PTPRK: variants seen among roughly 807,000 people sequenced by gnomAD.
The protein encoded by PTPRK is protein tyrosine phosphatase receptor type K.
PTPRK carries 75 observed loss-of-function variants against 178.0 expected under a neutral mutation model. That is an observed-to-expected ratio of 0.42 (90% confidence interval 0.35 to 0.51). The LOEUF (loss-of-function observed/expected upper bound fraction) is 0.51, where lower values mean the gene tolerates loss of function less well. PTPRK is among the 20% of genes least tolerant of loss of function. PTPRK has a pLI of 0.02. For missense variants in PTPRK, 1,441 were observed against 1,797.8 expected (o/e 0.80, Z 3.59); for synonymous variants, 637 against 620.6 (o/e 1.03, Z -0.39).
chr6:128,165,383 T>G (rs936651895), intron 7 of PTPRK, among the ~76,000 whole-genome samples: 4 of 151,342 alleles, frequency 2.6e-5, no homozygotes, highest in Non-Finnish European at 5.9e-5. Context: ...TGTCTGAATT[T>G]CACCAAAAGT....
chr6:128,191,607 T>C (rs890977024), intron 6 of PTPRK, among the ~76,000 whole-genome samples: 2 of 152,078 alleles, frequency 1.3e-5, no homozygotes, highest in Admixed American at 1.3e-4. Context: ...AGATGATAAA[T>C]ATATGGTAAT....
At chr6:128,086,110 G>C (rs995410344) in intron 8 of PTPRK, among the ~76,000 whole-genome samples, 22 of 152,256 alleles carry the variant, frequency 1.4e-4, no homozygotes, top group African/African-American at 5.1e-4. Flanking sequence ...AATGGAAACA[G>C]AATGCTGACT....
At chr6:128,517,965 T>C (rs1858339793) in intron 1 of PTPRK, among the ~76,000 whole-genome samples, 1 of 152,216 alleles carries the variant, frequency 6.6e-6, no homozygotes, top group African/African-American at 2.4e-5. Context: ...CTCTAATCTA[T>C]GTCTGCAACA....
intron 1 of PTPRK, among the ~76,000 whole-genome samples, chr6:128,450,958 G>A (rs1847716544): frequency 6.6e-6 from 1 of 152,124 alleles, no homozygotes; most frequent in Non-Finnish European, 1.5e-5. Context: ...TTACTTGACT[G>A]ATTCACTGAA....
chr6:128,494,408 G>A (rs1437591025), intron 1 of PTPRK, among the ~76,000 whole-genome samples: 1 of 152,054 alleles, frequency 6.6e-6, no homozygotes, highest in Admixed American at 6.6e-5. Flanking sequence ...ATATATCCCT[G>A]AAATTAGTAT....
At chr6:128,054,663 T>C (rs1429960413) in intron 13 of PTPRK, among the ~76,000 whole-genome samples, 1 of 152,222 alleles carries the variant, frequency 6.6e-6, no homozygotes, top group African/African-American at 2.4e-5. Context: ...AGCCACTTTG[T>C]CTTTTTTCCT....
At chr6:128,107,027 T>G (rs2114307111) in intron 7 of PTPRK, among the ~76,000 whole-genome samples, 1 of 152,246 alleles carries the variant, frequency 6.6e-6, no homozygotes, top group East Asian at 1.9e-4. Context: ...TGGCTAATTT[T>G]TGGATTGTTC....
At chr6:128,146,343 T>C (rs1562669840) in intron 7 of PTPRK, among the ~76,000 whole-genome samples, 1 of 152,152 alleles carries the variant, frequency 6.6e-6, no homozygotes, top group Non-Finnish European at 1.5e-5. Context: ...AACTCCAATG[T>C]ACTTCTTTAC....
chr6:128,277,728 T>C (rs2128300613), intron 3 of PTPRK, among the ~76,000 whole-genome samples: 1 of 152,264 alleles, frequency 6.6e-6, no homozygotes, highest in Non-Finnish European at 1.5e-5. Flanking sequence ...CCTCAGCAAA[T>C]GGCTTAGGTT....
At chr6:128,403,074 G>A (rs1367217326) in intron 1 of PTPRK, among the ~76,000 whole-genome samples, 4 of 152,164 alleles carry the variant, frequency 2.6e-5, no homozygotes, top group Non-Finnish European at 5.9e-5. Flanking sequence ...TCTTAATGAT[G>A]ACAGAAGAAC....
At chr6:128,476,203 C>T (rs1191569411) in intron 1 of PTPRK, among the ~76,000 whole-genome samples, 1 of 151,978 alleles carries the variant, frequency 6.6e-6, no homozygotes, top group Non-Finnish European at 1.5e-5. Flanking sequence ...CTATGTCCAT[C>T]ATTTTTACTG....
intron 1 of PTPRK, among the ~76,000 whole-genome samples, chr6:128,475,462 C>A (rs996314624): frequency 7.9e-5 from 12 of 152,004 alleles, no homozygotes; most frequent in African/African-American, 2.9e-4. Flanking sequence ...AGACAGGAGA[C>A]TACTGCCACG....
At chr6:128,189,030 T>TG (rs1195882113) in intron 6 of PTPRK, among the ~76,000 whole-genome samples, 1 of 151,942 alleles carries the variant, frequency 6.6e-6, no homozygotes. Context: ...AGAATCTATT[T>TG]GGGGGGCATT....
chr6:128,310,943 C>T (rs915415062), intron 3 of PTPRK, among the ~76,000 whole-genome samples: 2 of 152,116 alleles, frequency 1.3e-5, no homozygotes, highest in African/African-American at 4.8e-5. Flanking sequence ...AAGGACTTAA[C>T]AGGCAGATGG....
At chr6:128,500,016 T>C (rs1286969012) in intron 1 of PTPRK, among the ~76,000 whole-genome samples, 2 of 152,208 alleles carry the variant, frequency 1.3e-5, no homozygotes, top group Admixed American at 6.5e-5. Flanking sequence ...TAAAGTTATG[T>C]CCCTATAGGT....
intron 2 of PTPRK, among the ~76,000 whole-genome samples, chr6:128,356,157 C>T (rs981467712): frequency 2.6e-5 from 4 of 152,102 alleles, no homozygotes; most frequent in Admixed American, 2.0e-4. Flanking sequence ...CAGTCCCTCT[C>T]CCCACATCAA....
chr6:128,055,551 G>T (rs538664721), intron 13 of PTPRK, among the ~76,000 whole-genome samples: 2 of 150,438 alleles, frequency 1.3e-5, no homozygotes, highest in Non-Finnish European at 3.0e-5. Context: ...CTTTGTATTC[G>T]CCATGATTAT....
At chr6:128,328,446 T>A (rs980385428) in intron 2 of PTPRK, among the ~76,000 whole-genome samples, 1 of 152,216 alleles carries the variant, frequency 6.6e-6, no homozygotes, top group African/African-American at 2.4e-5. Context: ...GCAGCACTAG[T>A]TCTAACTATA....
At chr6:128,333,186 G>A (rs1193372201) in intron 2 of PTPRK, among the ~76,000 whole-genome samples, 1 of 152,110 alleles carries the variant, frequency 6.6e-6, no homozygotes, top group Non-Finnish European at 1.5e-5. Context: ...AGGTAGTGTG[G>A]CCTGTATTCC....
Sources: gnomAD v4.1 joint callset for allele counts (sites outside exome capture counted in the v4.1 genomes callset) on GRCh38, gnomAD v4.1.1 for gene constraint, MANE v1.5 for transcripts, NCBI Gene and HGNC (gene_info 2026-07-23, HGNC 2026-07-21) for gene names.